The following GABBR2 variants were observed in gnomAD, a reference collection of about 807,000 sequenced individuals.
GABBR2 encodes G-protein coupled receptor 51.
A neutral mutation model predicts 105.6 loss-of-function variants in GABBR2; 23 were observed. That is an observed-to-expected ratio of 0.22 (90% CI 0.16 to 0.31). The LOEUF (loss-of-function observed/expected upper bound fraction) is 0.31, where lower values mean the gene tolerates loss of function less well. GABBR2 is among the 10% of genes least tolerant of loss of function. GABBR2 has a pLI of 1.00. For synonymous variants in GABBR2, 478 were observed against 499.7 expected (o/e 0.96, Z 0.58); for missense variants, 734 against 1,245.5 (o/e 0.59, Z 6.18).
intron 13 of GABBR2, among the ~76,000 whole-genome samples, chr9:98,315,594 T>C (rs1830701434): frequency 6.6e-6 from 1 of 152,224 alleles, no homozygotes; most frequent in South Asian, 2.1e-4. Context: ...CAGTGGTCTG[T>C]GCAGCCACAC....
At chr9:98,597,547 C>T (rs1829256094) in intron 1 of GABBR2, among the ~76,000 whole-genome samples, 1 of 152,176 alleles carries the variant, frequency 6.6e-6, no homozygotes, top group African/African-American at 2.4e-5. Flanking sequence ...GACACACAGA[C>T]AGCAGGAGGG....
At chr9:98,507,504 G>C (rs1168306573) in intron 3 of GABBR2, among the ~76,000 whole-genome samples, 1 of 152,144 alleles carries the variant, frequency 6.6e-6, no homozygotes, top group Non-Finnish European at 1.5e-5. Context: ...TCAAAATCAA[G>C]AACACCTTGA....
rs79227743 is a variant in GABBR2, at chr9:98,388,323, G to A, written c.1529+531C>T. Among the ~76,000 whole-genome samples the A allele has an allele frequency of 0.014, 2,193 of 152,238 alleles. 53 individuals carry two copies. Among genetic ancestry groups the A allele is most frequent in the African/African-American group, 0.05 (2,074 of 41,528 alleles). On this transcript the variant is annotated intron_variant, in intron 10 of 18. Transcript: ENST00000259455. This position sits in a 1 kb window ranked among gnomAD's most constrained non-coding sequence, Gnocchi z 4.4. ...TTCTCTGTGAAATGAGGAGTTATCC[G>A]GAGGGTCATACGGGATGATGGAAGG...
chr9:98,591,376 G>A (rs77179163), intron 1 of GABBR2, among the ~76,000 whole-genome samples: 1,825 of 152,238 alleles, frequency 0.012, 33 homozygotes, highest in African/African-American at 0.042. Context: ...CCAGTGCGTC[G>A]GGAACACTGA....
chr9:98,520,035 C>T (rs1210674059), intron 3 of GABBR2, among the ~76,000 whole-genome samples: 3 of 152,166 alleles, frequency 2.0e-5, no homozygotes, highest in African/African-American at 7.2e-5. Flanking sequence ...GTCCCCACTG[C>T]TGGGCTACCT....
At chr9:98,441,294 TAAATA>T (rs146105735) in intron 7 of GABBR2, among the ~76,000 whole-genome samples, 27,602 of 151,958 alleles carry the variant, frequency 0.18, 2,875 homozygotes, top group East Asian at 0.38. Context: ...AAATAATAGC[TAAATA>T]AAATAAGCTC....
intron 2 of GABBR2, among the ~76,000 whole-genome samples, chr9:98,552,703 T>C (rs549654905): frequency 6.6e-6 from 1 of 152,202 alleles, no homozygotes; most frequent in African/African-American, 2.4e-5. Flanking sequence ...AAAGGCCTTC[T>C]GGGGTATCGT....
At chr9:98,417,503 G>A (rs1018624240) in intron 7 of GABBR2, among the ~76,000 whole-genome samples, 5 of 152,128 alleles carry the variant, frequency 3.3e-5, no homozygotes, top group Non-Finnish European at 7.4e-5. Flanking sequence ...TGAGTAGTTC[G>A]GGGTTCTAGT....
intron 1 of GABBR2, among the ~76,000 whole-genome samples, chr9:98,605,430 G>C (rs548741279): frequency 2.6e-5 from 4 of 152,196 alleles, no homozygotes; most frequent in Non-Finnish European, 5.9e-5. Flanking sequence ...CTGTATCTCA[G>C]GCTACGGACT....
chr9:98,621,199 T>C (rs958248140), intron 1 of GABBR2, among the ~76,000 whole-genome samples: 4 of 152,234 alleles, frequency 2.6e-5, no homozygotes, highest in Non-Finnish European at 2.9e-5. Flanking sequence ...ATCCCCACCT[T>C]AGAGAGGGGA....
intron 1 of GABBR2, among the ~76,000 whole-genome samples, chr9:98,640,105 C>T (rs993107272): frequency 1.5e-5 from 2 of 133,248 alleles, no homozygotes; most frequent in South Asian, 5.0e-4. Flanking sequence ...AAGTTTTGAG[C>T]CTTTGAAAAT....
intron 5 of GABBR2, among the ~76,000 whole-genome samples, chr9:98,478,894 C>G (rs1275054532): frequency 6.6e-6 from 1 of 152,064 alleles, no homozygotes; most frequent in Non-Finnish European, 1.5e-5. Flanking sequence ...CGATCAACAC[C>G]AATCACCCAC....
chr9:98,306,345 A>G lies in GABBR2; in HGVS notation c.2005T>C (p.Leu669=). Residue 669 remains leucine, a splice_region_variant and synonymous_variant, in exon 15 of 19, where the codon TTG becomes CTG. Transcript: ENST00000259455. The surrounding 1 kb of genome is among the most constrained non-coding windows in gnomAD (Gnocchi z 5.4). ...IVYAYKGLLM[L]FGCFLAWETR... Reference sequence around the variant, plus strand: ...TCCCAAGCTAAGAAACAACCGAACAACTGAAATGGTGAACAGAAAGGGGAG... The same window carrying G: ...TCCCAAGCTAAGAAACAACCGAACAGCTGAAATGGTGAACAGAAAGGGGAG... 1 of 1,609,304 alleles carries G rather than the reference A, an allele frequency of 6.2e-7. No individual in the cohort carries two copies. Among genetic ancestry groups the G allele is most frequent in the Non-Finnish European group, 8.5e-7 (1 of 1,175,876 alleles).
intron 3 of GABBR2, among the ~76,000 whole-genome samples, chr9:98,518,786 A>G (rs967634335): frequency 1.6e-4 from 25 of 152,194 alleles, no homozygotes; most frequent in African/African-American, 5.1e-4. Flanking sequence ...CCTCAAGGTC[A>G]GGAAAGACAG....
Position 98,463,609 on chromosome 9 carries a change from C to CTCTCGCTCTCCG in GABBR2, c.1000-9393_1000-9392insCGGAGAGCGAGA, listed in dbSNP as rs1554708522. Among the ~76,000 whole-genome samples, 116 of 49,242 alleles carry CTCTCGCTCTCCG rather than the reference C, an allele frequency of 2.4e-3. 1 individual carries two copies. The highest frequency in any genetic ancestry group is 8.9e-3 in the South Asian group (16 of 1,790). 32.3% of individuals were successfully genotyped at this position (49,242 alleles called of 152,430 possible). A position where few individuals can be genotyped will look rare whatever the true frequency, so the allele number is the denominator to read the frequency against. The stretch of plus-strand genomic sequence containing the variant: ...CCTCGCCCTCTCGCTCTCCGTCTCG[C>CTCTCGCTCTCCG]TCTCGCTCTCGCTCTCCGTCTCGCT... On this transcript the variant is annotated intron_variant, in intron 6 of 18. Coordinates refer to ENST00000259455, the MANE Select transcript of GABBR2 (RefSeq NM_005458.8).
intron 1 of GABBR2, among the ~76,000 whole-genome samples, chr9:98,658,720 A>G (rs988361063): frequency 4.6e-5 from 7 of 152,288 alleles, no homozygotes; most frequent in Admixed American, 2.6e-4. Flanking sequence ...ATGCAGAAGG[A>G]AAAAAGCCCT....
intron 7 of GABBR2, among the ~76,000 whole-genome samples, chr9:98,446,254 AT>A (rs35525376): frequency 0.13 from 20,253 of 152,216 alleles, 1,357 homozygotes; most frequent in Middle Eastern, 0.25. Context: ...TAAAGTAGCC[AT>A]TTTAATAGCA....
intron 1 of GABBR2, among the ~76,000 whole-genome samples, chr9:98,699,530 T>C (rs1246635388): frequency 1.3e-5 from 2 of 152,206 alleles, no homozygotes; most frequent in Non-Finnish European, 2.9e-5. Flanking sequence ...TCCAGGCTTT[T>C]AGATCTATTT....
chr9:98,630,459 GTGAC>G (rs1231833197), intron 1 of GABBR2, among the ~76,000 whole-genome samples: 4 of 152,144 alleles, frequency 2.6e-5, no homozygotes, highest in Admixed American at 2.0e-4. Context: ...CTGGCATCAG[GTGAC>G]TGACACAGGC....
Sources: gnomAD v4.1 joint callset for allele counts (sites outside exome capture counted in the v4.1 genomes callset) on GRCh38, gnomAD v4.1.1 for gene constraint, Gnocchi (gnomAD v3.1) non-coding constraint, MANE v1.5 for transcripts, NCBI Gene and HGNC (gene_info 2026-07-23, HGNC 2026-07-21) for gene names.